The following TXNDC5 variants were observed in gnomAD, a reference collection of about 807,000 sequenced individuals.
TXNDC5 encodes thioredoxin domain containing 5.
In TXNDC5, 44 loss-of-function variants were observed where a neutral mutation model predicts 52.6. That is an observed-to-expected ratio of 0.84 (90% CI 0.66 to 1.08). The LOEUF (loss-of-function observed/expected upper bound fraction) is 1.08, where lower values mean the gene tolerates loss of function less well. Ranked by LOEUF, TXNDC5 falls within the 50% of genes least tolerant of loss-of-function variation. The pLI is 0.00. For missense variants in TXNDC5, 600 were observed against 565.5 expected (o/e 1.06, Z -0.62); for synonymous variants, 241 against 234.4 (o/e 1.03, Z -0.26).
Position 7,885,978 on chromosome 6 carries a change from G to C in TXNDC5, c.1029C>G (p.Ile343Met), listed in dbSNP as rs778222716. ...DDTIAEGITF[I>M]KFYAPWCGHC... The stretch of plus-strand genomic sequence containing the variant: ...CCACTTACCATGGAGCATAAAACTT[G>C]ATGAAGGTTATTCCTTCTGCAATGG... Residue 343 changes from isoleucine (I) to methionine (M), a missense_variant, in exon 8 of 10, where the codon ATC (isoleucine) becomes ATG (methionine). Transcript: ENST00000379757. 9.9e-6 allele frequency: 16 copies of C among 1,614,130 alleles called. No homozygotes were observed. The highest frequency in any genetic ancestry group is 1.4e-5 in the Non-Finnish European group (16 of 1,180,014).
chr6:7,884,378 TTCCGTTCAG>T lies in TXNDC5; in HGVS notation c.1148_1156del (p.Ala383_Asn386delinsAsp). 6.2e-7 allele frequency: 1 copy of T among 1,614,102 alleles called. No homozygotes were observed. The highest frequency in any genetic ancestry group is 8.5e-7 in the Non-Finnish European group (1 of 1,179,984). On this transcript the variant is annotated inframe_deletion, in exon 9 of 10. Coordinates refer to ENST00000379757, the MANE Select transcript of TXNDC5 (RefSeq NM_030810.5). ...ACCCACCGAATACTTGCTGCAGATA[TTCCGTTCAG>T]CAGTGCAGTCTACTTCGGCGATCTT...
chr6:7,909,893 G>C, intron 1 of TXNDC5: 3 of 986,050 alleles, frequency 3.0e-6, no homozygotes, highest in Non-Finnish European at 3.6e-6. Context: ...CGGTGGCCGC[G>C]GCAGCAGCAA....
At chr6:7,903,277 G>A (rs1760626876) in intron 2 of TXNDC5, among the ~76,000 whole-genome samples, 2 of 128,440 alleles carry the variant, frequency 1.6e-5, no homozygotes, top group Admixed American at 8.5e-5. Context: ...CTTTTACGTA[G>A]ATACAGATAG....
chr6:7,904,310 G>A (rs903141180), intron 2 of TXNDC5, among the ~76,000 whole-genome samples: 1 of 152,134 alleles, frequency 6.6e-6, no homozygotes, highest in Non-Finnish European at 1.5e-5. Context: ...ATGTACCGGT[G>A]AACATCTAGC....
chr6:7,883,106 C>T lies in TXNDC5; in HGVS notation c.*38G>A, dbSNP rs1220436508. On this transcript the variant is annotated 3_prime_UTR_variant, in exon 10 of 10. Transcript: ENST00000379757. Reference sequence around the variant, plus strand: ...GGACTGAACTCCTAAACGCAGGGTGCGGGAGCTGGGCAGGAGAGGTGACCT... The same window carrying T: ...GGACTGAACTCCTAAACGCAGGGTGTGGGAGCTGGGCAGGAGAGGTGACCT... 14 of 1,612,924 alleles carry T rather than the reference C, an allele frequency of 8.7e-6. No individual in the cohort carries two copies. The highest frequency in any genetic ancestry group is 1.3e-5 in the African/African-American group (1 of 74,820).
At chr6:7,910,106 C>G in intron 1 of TXNDC5, 1 of 986,238 alleles carries the variant, frequency 1.0e-6, no homozygotes, top group South Asian at 4.7e-5. Flanking sequence ...CGGGCTTTTC[C>G]CGGCTGTCCC....
At chr6:7,906,588 A>G (rs1484547651) in intron 1 of TXNDC5, among the ~76,000 whole-genome samples, 2 of 151,742 alleles carry the variant, frequency 1.3e-5, no homozygotes, top group African/African-American at 4.8e-5. Context: ...GCACTGAAAA[A>G]GTCTGCTTCA....
At chr6:7,894,951 A>T in intron 4 of TXNDC5, 155 bp downstream of exon 4, 1 of 984,042 alleles carries the variant, frequency 1.0e-6, no homozygotes, top group Non-Finnish European at 1.2e-6. Flanking sequence ...GAGGAGGTGC[A>T]CTGAACAACG....
In TXNDC5 at chr6:7,910,577, G is replaced by A. The variant is rs1466214024; in HGVS notation, c.200C>T (p.Thr67Met). The A allele has an allele frequency of 1.4e-6, 2 of 1,440,720 alleles. No homozygotes were observed. Among genetic ancestry groups the A allele is most frequent in the East Asian group, 3.4e-5 (1 of 29,618 alleles). 89.2% of individuals were successfully genotyped at this position (1,440,720 alleles called of 1,614,324 possible). Residue 67 changes from threonine (T) to methionine (M), a missense_variant, in exon 1 of 10, where the codon ACG (threonine) becomes ATG (methionine). Coordinates refer to ENST00000379757, the MANE Select transcript of TXNDC5 (RefSeq NM_030810.5). The part of the protein sequence containing the change: ...GQDPHSKHLY[T>M]ADMFTHGIQS... ...GATCCCGTGCGTGAACATGTCGGCC[G>A]TGTACAGGTGCTTGCTGTGCGGGTC...
At position 7,882,955 on chromosome 6, in the gene TXNDC5, A is replaced by G; in HGVS notation, c.*189T>C. 1.5e-6 allele frequency: 1 copy of G among 672,874 alleles called. No homozygotes were observed. The highest frequency in any genetic ancestry group is 2.4e-6 in the Non-Finnish European group (1 of 423,366). 41.7% of individuals were successfully genotyped at this position (672,874 alleles called of 1,614,324 possible). A position where few individuals can be genotyped will look rare whatever the true frequency, so the allele number is the denominator to read the frequency against. On this transcript the variant is annotated 3_prime_UTR_variant, in exon 10 of 10. Coordinates refer to ENST00000379757, the MANE Select transcript of TXNDC5 (RefSeq NM_030810.5). ...CATGAGTTACACATTTACTTAGAGA[A>G]ACTTAACTTAATAAAGAATCTGTAG...
chr6:7,905,704 T>G (rs537199704), intron 1 of TXNDC5, among the ~76,000 whole-genome samples: 7 of 152,314 alleles, frequency 4.6e-5, no homozygotes, highest in African/African-American at 1.7e-4. Context: ...CCTAGAAACT[T>G]TATCCCAGGT....
Position 7,904,741 on chromosome 6 carries a change from T to A in TXNDC5, c.264-18A>T, listed in dbSNP as rs767526713. The A allele has an allele frequency of 6.2e-6, 10 of 1,613,868 alleles. No individual in the cohort carries two copies. The East Asian group carries it at 2.0e-4, about 32-fold the overall frequency. On this transcript the variant is annotated intron_variant, in intron 1 of 9. Coordinates refer to ENST00000379757, the MANE Select transcript of TXNDC5 (RefSeq NM_030810.5). ...GTCCACACCTGGAACAAGGCAAGAG[T>A]ACAAGCACATTGAGTATCAGGTCAC...
At chr6:7,909,250 T>C (rs560112139) in intron 1 of TXNDC5, among the ~76,000 whole-genome samples, 27 of 152,352 alleles carry the variant, frequency 1.8e-4, no homozygotes, top group African/African-American at 6.5e-4. Context: ...TATGCCTCCC[T>C]ACATCCCTTT....
chr6:7,890,835 G>A (rs879765482), intron 5 of TXNDC5, among the ~76,000 whole-genome samples: 1 of 152,114 alleles, frequency 6.6e-6, no homozygotes, highest in African/African-American at 2.4e-5. Flanking sequence ...TGCAAAGGGG[G>A]AGACCGAGGC....
Position 7,899,600 on chromosome 6 carries a change from C to A in TXNDC5, c.495G>T (p.Leu165=). 6.2e-7 allele frequency: 1 copy of A among 1,613,956 alleles called. No individual in the cohort carries two copies. The highest frequency in any genetic ancestry group is 8.5e-7 in the Non-Finnish European group (1 of 1,179,970). Residue 165 remains leucine (L), a synonymous_variant, in exon 3 of 10, where the codon CTG becomes CTT. Coordinates refer to ENST00000379757, the MANE Select transcript of TXNDC5 (RefSeq NM_030810.5). ...CCACTGGCTCCTCGTTCAGTGTCTGCAGCATCCAGTTTTCCAGTGTCTGGA... is the reference window on the plus strand; with the variant it reads ...CCACTGGCTCCTCGTTCAGTGTCTGAAGCATCCAGTTTTCCAGTGTCTGGA... ...RDFQTLENWM[L]QTLNEEPVTP...
chr6:7,888,850 T>C lies in TXNDC5; in HGVS notation c.820-2A>G, dbSNP rs766650152. 10 of 1,606,044 alleles carry C rather than the reference T, an allele frequency of 6.2e-6. No individual in the cohort carries two copies. The East Asian group carries it at 2.2e-4, about 36-fold the overall frequency. ...CCGCTTTCCCTTGTACTGATCCACCTGGCCAAGACACGGGCACGCGGCTGA... is the reference window on the plus strand; with the variant it reads ...CCGCTTTCCCTTGTACTGATCCACCCGGCCAAGACACGGGCACGCGGCTGA... On this transcript the variant is annotated splice_acceptor_variant, in intron 6 of 9. Transcript: ENST00000379757. LOFTEE classifies it high-confidence loss of function.
In TXNDC5 at chr6:7,897,568, T is replaced by C. The variant is rs1760415968; in HGVS notation, c.519+2008A>G. 2.0e-5 allele frequency among the ~76,000 whole-genome samples: 3 copies of C among 152,136 alleles called. No individual in the cohort carries two copies. In the South Asian group the frequency reaches 6.2e-4, roughly 32 times the overall value. ...CTAAAATATGGCAAGTTGGTGACTG[T>C]GGTTCTGGGGTGGCATGGGGGGATT... On this transcript the variant is annotated intron_variant, in intron 3 of 9. Coordinates refer to ENST00000379757, the MANE Select transcript of TXNDC5 (RefSeq NM_030810.5).
In TXNDC5 at chr6:7,884,272, AGAGTGAGTTATCGTGGTT is replaced by A. The variant is rs577053886; in HGVS notation, c.1176+69_1176+86del. ...ACCACATTGTTGAGAAGATGAGAGC[AGAGTGAGTTATCGTGGTT>A]GAGGCACAGTTCCCTTGGGATCTGC... On this transcript the variant is annotated intron_variant, in intron 9 of 9. Coordinates refer to ENST00000379757, the MANE Select transcript of TXNDC5 (RefSeq NM_030810.5). 76 of 1,548,584 alleles carry A rather than the reference AGAGTGAGTTATCGTGGTT, an allele frequency of 4.9e-5. 1 individual carries two copies. The Middle Eastern group carries it at 8.2e-4, about 17-fold the overall frequency.
In TXNDC5 at chr6:7,910,547, C is replaced by G; in HGVS notation, c.230G>C (p.Ser77Thr). The change falls in exon 1 of 10, where the codon AGC becomes ACC. Residue 77 changes from serine (S) to threonine (T), a missense_variant. Physicochemically the swap from Ser to Thr is moderately conservative, Grantham distance 58 (BLOSUM62 1). Coordinates refer to ENST00000379757, the MANE Select transcript of TXNDC5 (RefSeq NM_030810.5). ...TADMFTHGIQ[S>T]AAHFVMFFAP... ...GAAGAACATGACGAAGTGCGCGGCG[C>G]TCTGGATCCCGTGCGTGAACATGTC... is the stretch of plus-strand genomic sequence containing the variant. 2 of 1,457,746 alleles carry G rather than the reference C, an allele frequency of 1.4e-6. No homozygotes were observed. The highest frequency in any genetic ancestry group is 6.5e-5 in the East Asian group (2 of 30,616). The allele number at this position is 1,457,746 out of a possible 1,614,324, so 90.3% of individuals were successfully genotyped here. A position where few individuals can be genotyped will look rare whatever the true frequency, so the allele number is the denominator to read the frequency against.
Sources: gnomAD v4.1 joint callset for allele counts (sites outside exome capture counted in the v4.1 genomes callset) on GRCh38, gnomAD v4.1.1 for gene constraint, MANE v1.5 for transcripts, NCBI Gene and HGNC (gene_info 2026-07-23, HGNC 2026-07-21) for gene names.